The following EIPR1 variants were observed in gnomAD, a reference collection of about 807,000 sequenced individuals.
EIPR1 encodes EARP complex and GARP complex interacting protein 1.
A neutral mutation model predicts 48.1 loss-of-function variants in EIPR1; 25 were observed. The observed-to-expected ratio is 0.52, with a 90% confidence interval of 0.38 to 0.73. The LOEUF is 0.73. Among genes scored for constraint, EIPR1 ranks in the 30% least tolerant of loss-of-function variants. The pLI, the probability that EIPR1 is intolerant of heterozygous loss-of-function variation, is 0.00. For missense variants in EIPR1, 415 were observed against 506.2 expected (o/e 0.82, Z 1.73); for synonymous variants, 204 against 201.9 (o/e 1.01, Z -0.09).
intron 4 of EIPR1, among the ~76,000 whole-genome samples, chr2:3,234,132 A>C (rs1431356049): frequency 1.3e-5 from 2 of 152,052 alleles, no homozygotes; most frequent in Non-Finnish European, 2.9e-5. Flanking sequence ...GATCCATATT[A>C]CTGCTAGAAT....
At chr2:3,342,219 A>G (rs1670273012) in intron 2 of EIPR1, among the ~76,000 whole-genome samples, 1 of 152,042 alleles carries the variant, frequency 6.6e-6, no homozygotes, top group South Asian at 2.1e-4. Context: ...AATACCAAAA[A>G]TGTTACAAGA....
intron 1 of EIPR1, among the ~76,000 whole-genome samples, chr2:3,369,569 C>A (rs1172800937): frequency 6.6e-6 from 1 of 152,236 alleles, no homozygotes; most frequent in Non-Finnish European, 1.5e-5. Context: ...GGAAACAGCG[C>A]ACCAGGAGAT....
Position 3,354,629 on chromosome 2 carries a change from C to T in EIPR1, c.47G>A (p.Arg16His). Reference sequence around the variant, plus strand: ...TTCTGCAGTTTGAGGTGTTAAGGCACGTGCCTGCAGGAGGGAAGAAAAACA... The same window carrying T: ...TTCTGCAGTTTGAGGTGTTAAGGCATGTGCCTGCAGGAGGGAAGAAAAACA... ...PVIYGLEFQA[R>H]ALTPQTAETD... The change falls in exon 2 of 9, where the codon CGT becomes CAT. Residue 16 changes from arginine (R) to histidine (H), a missense_variant. Physicochemically the swap from Arg to His is conservative, Grantham distance 29. Transcript: ENST00000382125. 1.9e-6 allele frequency: 3 copies of T among 1,613,916 alleles called. No homozygotes were observed. The highest frequency in any genetic ancestry group is 1.1e-5 in the South Asian group (1 of 91,062).
At chr2:3,301,775 T>A (rs1668767522) in intron 3 of EIPR1, among the ~76,000 whole-genome samples, 1 of 152,218 alleles carries the variant, frequency 6.6e-6, no homozygotes. Context: ...CAAGGGATGG[T>A]TAGTCATCTT....
chr2:3,216,872 G>GT (rs1665657000), intron 4 of EIPR1, among the ~76,000 whole-genome samples: 1 of 152,148 alleles, frequency 6.6e-6, no homozygotes, highest in African/African-American at 2.4e-5. Context: ...AGTTATAACC[G>GT]TTAGTACATT....
At chr2:3,320,855 A>T (rs1450358799) in intron 3 of EIPR1, among the ~76,000 whole-genome samples, 3 of 152,220 alleles carry the variant, frequency 2.0e-5, no homozygotes, top group Non-Finnish European at 1.5e-5. Context: ...TTCAGCTGAC[A>T]ATTTGGTTAG....
At chr2:3,205,103 G>A (rs1194658695) in intron 5 of EIPR1, among the ~76,000 whole-genome samples, 1 of 152,190 alleles carries the variant, frequency 6.6e-6, no homozygotes, top group Non-Finnish European at 1.5e-5. Context: ...GGCGCAGGAC[G>A]TATGAAGCAC....
intron 4 of EIPR1, among the ~76,000 whole-genome samples, chr2:3,225,848 A>G (rs1558235743): frequency 2.6e-5 from 4 of 152,078 alleles, no homozygotes; most frequent in Non-Finnish European, 2.9e-5. Context: ...CTTCCTTTCT[A>G]GAAGTTTGAC....
chr2:3,263,347 G>C (rs981780421), intron 3 of EIPR1, among the ~76,000 whole-genome samples: 2 of 152,218 alleles, frequency 1.3e-5, no homozygotes, highest in African/African-American at 2.4e-5. Context: ...AGTATTGCAT[G>C]TGGCAAGGTG....
rs369272128 is a variant in EIPR1, at chr2:3,193,151, G to A, written c.822-570C>T. On this transcript the variant is annotated intron_variant, in intron 7 of 8. Transcript: ENST00000382125. Reference sequence around the variant, plus strand: ...TGGCAGACAGTGCCAGGCCCTTGACGCTAGGAGGTGCACCCAGCATGGCCA... The same window carrying A: ...TGGCAGACAGTGCCAGGCCCTTGACACTAGGAGGTGCACCCAGCATGGCCA... Among the ~76,000 whole-genome samples the A allele has an allele frequency of 1.1e-3, 170 of 152,336 alleles. 1 individual carries two copies. The highest frequency in any genetic ancestry group is 8.9e-3 in the South Asian group (43 of 4,826).
At chr2:3,288,734 C>T (rs917599295) in intron 3 of EIPR1, among the ~76,000 whole-genome samples, 3 of 152,192 alleles carry the variant, frequency 2.0e-5, no homozygotes, top group East Asian at 1.9e-4. Context: ...TCAGCAGGCA[C>T]GGTCAGACAT....
chr2:3,211,300 C>T (rs943869386), intron 5 of EIPR1, among the ~76,000 whole-genome samples: 1 of 149,806 alleles, frequency 6.7e-6, no homozygotes, highest in Non-Finnish European at 1.5e-5. Flanking sequence ...TCCTCTGTAC[C>T]ACGTCTCTTC....
intron 3 of EIPR1, among the ~76,000 whole-genome samples, chr2:3,282,285 G>A (rs1042424488): frequency 6.6e-6 from 1 of 152,248 alleles, no homozygotes; most frequent in African/African-American, 2.4e-5. Flanking sequence ...GGACAGCTCT[G>A]CGGACATGGC....
At chr2:3,333,749 CAA>C (rs769152280) in intron 3 of EIPR1, among the ~76,000 whole-genome samples, 904 of 72,346 alleles carry the variant, frequency 0.012, 10 homozygotes, top group African/African-American at 0.045. Flanking sequence ...ACCCTACCTC[CAA>C]AAAAAAAAAA....
intron 3 of EIPR1, among the ~76,000 whole-genome samples, chr2:3,265,107 T>C (rs1667447561): frequency 6.6e-6 from 1 of 152,288 alleles, no homozygotes; most frequent in Non-Finnish European, 1.5e-5. Flanking sequence ...AGTCTGAAAA[T>C]CTGGTGGGTA....
intron 1 of EIPR1, among the ~76,000 whole-genome samples, chr2:3,359,416 G>A (rs960763894): frequency 1.3e-5 from 2 of 152,116 alleles, no homozygotes; most frequent in African/African-American, 4.8e-5. Flanking sequence ...TGGTAAGCAG[G>A]CAGAAAAACA....
intron 7 of EIPR1, among the ~76,000 whole-genome samples, 178 bp from the exon 8 acceptor site, chr2:3,192,759 G>A (rs1040171208): frequency 6.6e-6 from 1 of 152,122 alleles, no homozygotes; most frequent in African/African-American, 2.4e-5. Context: ...TGGGTTTACT[G>A]CAGGTTTCTC....
chr2:3,289,785 G>A (rs1018214108), intron 3 of EIPR1, among the ~76,000 whole-genome samples: 2 of 152,318 alleles, frequency 1.3e-5, no homozygotes, highest in Admixed American at 6.5e-5. Context: ...AACGCCAGCG[G>A]CCCCCAGCCT....
chr2:3,209,792 T>C (rs1665377848), intron 5 of EIPR1, among the ~76,000 whole-genome samples: 1 of 152,144 alleles, frequency 6.6e-6, no homozygotes, highest in African/African-American at 2.4e-5. Context: ...ACTGTATGGA[T>C]CCAACTCTGT....
Sources: allele counts gnomAD v4.1 joint callset (sites outside exome capture counted in the v4.1 genomes callset), GRCh38; gene constraint gnomAD v4.1.1; transcripts MANE v1.5; gene names NCBI Gene and HGNC (gene_info 2026-07-23, HGNC 2026-07-21).